SCAPER: variants seen among roughly 807,000 people sequenced by gnomAD.
The protein encoded by SCAPER is S phase cyclin A-associated protein in the endoplasmic reticulum.
SCAPER carries 98 observed loss-of-function variants against 182.2 expected under a neutral mutation model. That is an observed-to-expected ratio of 0.54 (90% confidence interval 0.46 to 0.64). SCAPER has a LOEUF of 0.64. SCAPER is among the 30% of genes least tolerant of loss of function. SCAPER has a pLI of 0.00. For synonymous variants in SCAPER, 605 were observed against 564.6 expected, an observed-to-expected ratio of 1.07 and a Z score of -1.01; for missense variants, 1,432 against 1,690.0, an observed-to-expected ratio of 0.85 and a Z score of 2.68.
At chr15:76,831,230 G>A (rs1248882626) in intron 5 of SCAPER, among the ~76,000 whole-genome samples, 1 of 152,128 alleles carries the variant, frequency 6.6e-6, no homozygotes, top group African/African-American at 2.4e-5. Flanking sequence ...GGAGAGGGCA[G>A]GGCTGTCTTG....
intron 17 of SCAPER, 126 bp downstream of exon 17, chr15:76,728,469 G>T: frequency 1.6e-6 from 2 of 1,274,516 alleles, no homozygotes; most frequent in Non-Finnish European, 2.2e-6. Flanking sequence ...GAGAGTTCAA[G>T]ATCAACCTGG....
intron 8 of SCAPER, among the ~76,000 whole-genome samples, chr15:76,778,961 C>G (rs185356808): frequency 6.6e-6 from 1 of 151,902 alleles, no homozygotes; most frequent in East Asian, 1.9e-4. Flanking sequence ...AATAGAGAAT[C>G]CTGAACAAAG....
Position 76,541,207 on chromosome 15 carries a change from A to G in SCAPER, c.2838+32951T>C, listed in dbSNP as rs978111285. ...TGGTATAACACGTATTAATAGAAAA[A>G]TAAAATGTTTTATTAAAAAATATAT... On this transcript the variant is annotated intron_variant, in intron 23 of 31. Coordinates refer to ENST00000563290, the MANE Select transcript of SCAPER (RefSeq NM_020843.4). Among the ~76,000 whole-genome samples, 16 of 34,796 alleles carry G rather than the reference A, an allele frequency of 4.6e-4. No individual in the cohort carries two copies. The East Asian group carries it at 0.015, about 33-fold the overall frequency. The allele number at this position is 34,796 out of a possible 152,430, so 22.8% of individuals were successfully genotyped here.
chr15:76,391,221 G>A (rs889768814), intron 27 of SCAPER, among the ~76,000 whole-genome samples: 13 of 152,066 alleles, frequency 8.5e-5, no homozygotes, highest in East Asian at 1.9e-4. Context: ...GCCTGGTTCC[G>A]TCTTAGCTTG....
rs78294526 is a variant in SCAPER, at chr15:76,439,122, G to C, written c.3079-4812C>G. Among the ~76,000 whole-genome samples, 8 of 151,444 alleles carry C rather than the reference G, an allele frequency of 5.3e-5. No homozygotes were observed. In the East Asian group the frequency reaches 1.6e-3, roughly 29 times the overall value. On this transcript the variant is annotated intron_variant, in intron 25 of 31. Transcript: ENST00000563290. ...TTTTAAGAAGATAGAGTCTTGCTCT[G>C]TCACCCAGGCTAGTGTGCAGTGGTG...
rs1211721187 is a variant in SCAPER at position 76,597,429 on chromosome 15, T to C, written c.2712-23145A>G. ...ATCCCCATCAACCTACCATTGACTT[T>C]CTTCACAGAATTAGAAAAAACTACT... On this transcript the variant is annotated intron_variant, in intron 22 of 31. Coordinates refer to ENST00000563290, the MANE Select transcript of SCAPER (RefSeq NM_020843.4). Among the ~76,000 whole-genome samples the C allele has an allele frequency of 6.6e-5, 8 of 121,918 alleles. 2 individuals are homozygous for C. The Admixed American group carries it at 7.4e-4, about 11-fold the overall frequency. The allele number at this position is 121,918 out of a possible 152,430, so 80.0% of individuals were successfully genotyped here.
Position 76,733,135 on chromosome 15 carries a change from G to A in SCAPER, c.2022+94C>T, listed in dbSNP as rs546683388. On this transcript the variant is annotated intron_variant, in intron 16 of 31. Transcript: ENST00000563290. The stretch of plus-strand genomic sequence containing the variant: ...TTTATTTCTACAATCTCCCATCTCC[G>A]CACATGGGGAGAAAAACCCACCGAC... 7.4e-5 allele frequency: 81 copies of A among 1,098,060 alleles called. 1 individual carries two copies. In the South Asian group the frequency reaches 9.7e-4, roughly 13 times the overall value. 68.0% of individuals were successfully genotyped at this position (1,098,060 alleles called of 1,614,324 possible).
intron 26 of SCAPER, among the ~76,000 whole-genome samples, chr15:76,414,206 TGA>T (rs1323963716): frequency 2.0e-5 from 3 of 152,146 alleles, no homozygotes; most frequent in Non-Finnish European, 1.5e-5. Context: ...TCCTCTCCCT[TGA>T]GAGAGTTTGT....
At chr15:76,620,083 T>A (rs534431637) in intron 22 of SCAPER, among the ~76,000 whole-genome samples, 4 of 151,952 alleles carry the variant, frequency 2.6e-5, no homozygotes, top group East Asian at 1.9e-4. Flanking sequence ...CTTCAAAAAA[T>A]ATATATATAT....
intron 21 of SCAPER, among the ~76,000 whole-genome samples, chr15:76,656,073 T>C (rs911194434): frequency 1.3e-5 from 2 of 152,134 alleles, no homozygotes; most frequent in Non-Finnish European, 2.9e-5. Context: ...ACTTTAAATG[T>C]AAATGAAAAT....
At chr15:76,481,930 T>C (rs28429680) in intron 24 of SCAPER, among the ~76,000 whole-genome samples, 15,530 of 152,276 alleles carry the variant, frequency 0.1, 1,063 homozygotes, top group African/African-American at 0.18. Flanking sequence ...CATGGTGAAG[T>C]TCAAATGTTC....
At chr15:76,548,515 A>C (rs184640006) in intron 23 of SCAPER, among the ~76,000 whole-genome samples, 2 of 152,342 alleles carry the variant, frequency 1.3e-5, no homozygotes, top group East Asian at 3.9e-4. Flanking sequence ...AAATAATAAT[A>C]AAAGCAAGAT....
intron 25 of SCAPER, among the ~76,000 whole-genome samples, chr15:76,455,922 G>GT (rs1567174618): frequency 6.6e-6 from 1 of 152,108 alleles, no homozygotes; most frequent in Non-Finnish European, 1.5e-5. Flanking sequence ...AGAACATGCC[G>GT]TGTTTGGTTT....
intron 27 of SCAPER, among the ~76,000 whole-genome samples, chr15:76,383,105 T>TACACAC (rs77313356): frequency 0.015 from 2,303 of 149,992 alleles, 55 homozygotes; most frequent in African/African-American, 0.051. Context: ...TGTGTGTAAA[T>TACACAC]ACACACACAC....
At chr15:76,648,277 TAAA>T (rs1204161631) in intron 21 of SCAPER, among the ~76,000 whole-genome samples, 5 of 147,098 alleles carry the variant, frequency 3.4e-5, no homozygotes, top group African/African-American at 1.0e-4. Context: ...ACACATGAAA[TAAA>T]AACGTCACTG....
intron 23 of SCAPER, among the ~76,000 whole-genome samples, chr15:76,541,297 A>G (rs1250755198): frequency 6.6e-6 from 1 of 152,202 alleles, no homozygotes; most frequent in African/African-American, 2.4e-5. Flanking sequence ...TTAAGTGGAA[A>G]TAAGCTGCTC....
intron 25 of SCAPER, among the ~76,000 whole-genome samples, chr15:76,467,110 C>T (rs2049733609): frequency 6.6e-6 from 1 of 152,154 alleles, no homozygotes; most frequent in African/African-American, 2.4e-5. Flanking sequence ...CCTGCTTCCC[C>T]TTTGTCTTCT....
intron 27 of SCAPER, among the ~76,000 whole-genome samples, chr15:76,402,462 C>T (rs2044532286): frequency 6.6e-6 from 1 of 152,160 alleles, no homozygotes; most frequent in African/African-American, 2.4e-5. Context: ...CCGTTTTTCT[C>T]AACTGATTTT....
At chr15:76,901,639 A>G (rs1231742047) in intron 1 of SCAPER, among the ~76,000 whole-genome samples, 1 of 152,244 alleles carries the variant, frequency 6.6e-6, no homozygotes, top group Non-Finnish European at 1.5e-5. Context: ...TACTTTAAGA[A>G]GTTATCATTT....
Sources: gnomAD v4.1 joint callset for allele counts (sites outside exome capture counted in the v4.1 genomes callset) on GRCh38, gnomAD v4.1.1 for gene constraint, MANE v1.5 for transcripts, NCBI Gene and HGNC (gene_info 2026-07-23, HGNC 2026-07-21) for gene names.